Variants in SH3GL2 observed in about 807,000 individuals in gnomAD.
The protein encoded by SH3GL2 is endophilin-A1.
SH3GL2 carries 24 observed loss-of-function variants against 46.0 expected under a neutral mutation model. The ratio of observed to expected loss-of-function variants is 0.52; its 90% CI spans 0.38 to 0.73. SH3GL2 has a LOEUF of 0.73. Among genes scored for constraint, SH3GL2 ranks in the 30% least tolerant of loss-of-function variants. The pLI, the probability that SH3GL2 is intolerant of heterozygous loss-of-function variation, is 0.00. For missense variants in SH3GL2, 413 were observed against 424.2 expected, an observed-to-expected ratio of 0.97 and a Z score of 0.23; for synonymous variants, 196 against 147.1, an observed-to-expected ratio of 1.33 and a Z score of -2.40.
intron 1 of SH3GL2, among the ~76,000 whole-genome samples, chr9:17,734,633 G>C (rs942794159): frequency 6.6e-6 from 1 of 152,106 alleles, no homozygotes; most frequent in African/African-American, 2.4e-5. Context: ...AAGGAATGAA[G>C]CAGTGATACA....
In SH3GL2 at chr9:17,789,669, GTAGA is replaced by G. The variant is rs1824066774; in HGVS notation, c.624+123_624+126del. The G allele has an allele frequency of 1.1e-5, 16 of 1,463,614 alleles. No individual in the cohort carries two copies. In the Admixed American group the frequency reaches 1.4e-4, roughly 13 times the overall value. 90.7% of individuals were successfully genotyped at this position (1,463,614 alleles called of 1,614,324 possible). A position where few individuals can be genotyped will look rare whatever the true frequency, so the allele number is the denominator to read the frequency against. ...ATTACACTATGTGATAAGAACTTCAGTAGATAGTTATTTATTTTAAATAATTGTC... is the reference window on the plus strand; with the variant it reads ...ATTACACTATGTGATAAGAACTTCAGTAGTTATTTATTTTAAATAATTGTC... On this transcript the variant is annotated intron_variant, in intron 6 of 8. Transcript: ENST00000380607.
At chr9:17,735,305 A>G (rs948625197) in intron 1 of SH3GL2, among the ~76,000 whole-genome samples, 11 of 152,154 alleles carry the variant, frequency 7.2e-5, no homozygotes, top group African/African-American at 2.7e-4. Flanking sequence ...ATCCTGCAAT[A>G]GGACTTAGCA....
chr9:17,611,636 C>T (rs1289486316), intron 1 of SH3GL2, among the ~76,000 whole-genome samples: 1 of 152,180 alleles, frequency 6.6e-6, no homozygotes, highest in Non-Finnish European at 1.5e-5. Flanking sequence ...CATGAGAAGC[C>T]AGTGGATCCC....
intron 1 of SH3GL2, among the ~76,000 whole-genome samples, chr9:17,619,185 G>T (rs1251139285): frequency 2.0e-5 from 3 of 152,164 alleles, no homozygotes; most frequent in African/African-American, 7.2e-5. Flanking sequence ...GTTGATGGCA[G>T]AGCTGGGCTT....
In SH3GL2 at chr9:17,775,165, TTC is replaced by T. The variant is rs1199254917; in HGVS notation, c.188-11210_188-11209del. ...TTCTGATTTTAGTAATTTGTGTCTTTTCTCTCTGTTTTTTTCTAGTTCAGCTA... is the reference window on the plus strand; with the variant it reads ...TTCTGATTTTAGTAATTTGTGTCTTTTCTCTGTTTTTTTCTAGTTCAGCTA... On this transcript the variant is annotated intron_variant, in intron 3 of 8. Coordinates refer to ENST00000380607, the MANE Select transcript of SH3GL2 (RefSeq NM_003026.5). Among the ~76,000 whole-genome samples the T allele has an allele frequency of 7.9e-5, 12 of 152,296 alleles. No individual in the cohort carries two copies. The East Asian group carries it at 1.9e-3, about 24-fold the overall frequency.
intron 1 of SH3GL2, among the ~76,000 whole-genome samples, chr9:17,639,362 G>C (rs1204396801): frequency 6.6e-6 from 1 of 152,132 alleles, no homozygotes; most frequent in Non-Finnish European, 1.5e-5. Context: ...ATACAAAACA[G>C]ACAACCCAAT....
chr9:17,668,125 G>C (rs1283313035), intron 1 of SH3GL2, among the ~76,000 whole-genome samples: 1 of 152,136 alleles, frequency 6.6e-6, no homozygotes, highest in Non-Finnish European at 1.5e-5. Context: ...GAAACACAAA[G>C]TTTTGATGAG....
chr9:17,725,059 A>G (rs1821988408), intron 1 of SH3GL2, among the ~76,000 whole-genome samples: 1 of 152,018 alleles, frequency 6.6e-6, no homozygotes, highest in Non-Finnish European at 1.5e-5. Context: ...CCAGACCATG[A>G]TAGGTGAATG....
intron 1 of SH3GL2, among the ~76,000 whole-genome samples, chr9:17,687,982 G>T: frequency 6.6e-6 from 1 of 152,070 alleles, no homozygotes; most frequent in Non-Finnish European, 1.5e-5. Context: ...TATTTAAAAA[G>T]TAAGGGCAAA....
At chr9:17,780,229 T>A (rs530812427) in intron 3 of SH3GL2, among the ~76,000 whole-genome samples, 2 of 152,292 alleles carry the variant, frequency 1.3e-5, no homozygotes, top group African/African-American at 4.8e-5. Flanking sequence ...CTTCCACAGA[T>A]CCTAGCTGCC....
chr9:17,598,396 C>T (rs1288176659), intron 1 of SH3GL2, among the ~76,000 whole-genome samples: 2 of 152,182 alleles, frequency 1.3e-5, no homozygotes, highest in African/African-American at 2.4e-5. Flanking sequence ...GATTTTACAT[C>T]ATTATCTTTC....
intron 1 of SH3GL2, among the ~76,000 whole-genome samples, chr9:17,682,446 A>G (rs978433708): frequency 1.3e-5 from 2 of 152,082 alleles, no homozygotes; most frequent in Admixed American, 6.6e-5. Context: ...ATCCTCAGCA[A>G]ACTCACACAG....
At chr9:17,747,968 C>G (rs1020959081) in intron 2 of SH3GL2, among the ~76,000 whole-genome samples, 1 of 152,098 alleles carries the variant, frequency 6.6e-6, no homozygotes, top group Non-Finnish European at 1.5e-5. Context: ...ACCACTGCAC[C>G]CAGCAGAGCC....
intron 1 of SH3GL2, among the ~76,000 whole-genome samples, chr9:17,624,509 A>G (rs1005323407): frequency 1.4e-4 from 15 of 110,978 alleles, no homozygotes; most frequent in African/African-American, 4.5e-4. Flanking sequence ...GCTCTAAGCA[A>G]GAGTCTCATA....
At chr9:17,579,389 G>C (rs1408970626) in intron 1 of SH3GL2, 102 bp downstream of exon 1, 1 of 640,958 alleles carries the variant, frequency 1.6e-6, no homozygotes, top group Non-Finnish European at 2.2e-6. Context: ...GTTCGGCACC[G>C]AGCCTCGCCC....
rs185886188 is a variant in SH3GL2, at chr9:17,637,179, T to C, written c.45+57892T>C. 3.6e-3 allele frequency among the ~76,000 whole-genome samples: 545 copies of C among 152,328 alleles called. 7 individuals carry two copies. The highest frequency in any genetic ancestry group is 0.013 in the African/African-American group (529 of 41,568). On this transcript the variant is annotated intron_variant, in intron 1 of 8. Coordinates refer to ENST00000380607, the MANE Select transcript of SH3GL2 (RefSeq NM_003026.5). ...GGACAGGAGCACAAACATTTAATGG[T>C]GAATTCACGGTATGATGTATTTCAG...
chr9:17,744,841 C>T lies in SH3GL2; in HGVS notation c.46-2225C>T, dbSNP rs140282176. ...AAAAATCCTAAATCTGTGAAGACTG[C>T]TGAAATAGGGGATCATCAGTCAGCA... On this transcript the variant is annotated intron_variant, in intron 1 of 8. Transcript: ENST00000380607. 1.4e-3 allele frequency among the ~76,000 whole-genome samples: 206 copies of T among 152,202 alleles called. 1 individual carries two copies. Among genetic ancestry groups the T allele is most frequent in the African/African-American group, 4.6e-3 (192 of 41,530 alleles).
chr9:17,655,592 A>G (rs1820054849), intron 1 of SH3GL2, among the ~76,000 whole-genome samples: 1 of 152,234 alleles, frequency 6.6e-6, no homozygotes, highest in African/African-American at 2.4e-5. Context: ...AAGCATTTTA[A>G]AACCCCAAGC....
At chr9:17,605,422 T>G (rs1185174335) in intron 1 of SH3GL2, among the ~76,000 whole-genome samples, 3 of 152,132 alleles carry the variant, frequency 2.0e-5, no homozygotes, top group Non-Finnish European at 4.4e-5. Flanking sequence ...GGGAGGTCAT[T>G]TGTGCTCAAG....
Sources: allele counts gnomAD v4.1 joint callset (sites outside exome capture counted in the v4.1 genomes callset), GRCh38; gene constraint gnomAD v4.1.1; transcripts MANE v1.5; gene names NCBI Gene and HGNC (gene_info 2026-07-23, HGNC 2026-07-21).